Variants in TBC1D14 observed in about 807,000 individuals in gnomAD.
The protein encoded by TBC1D14 is TBC1 domain family member 14.
Under a neutral mutation model 79.0 loss-of-function variants are expected in TBC1D14, and 26 were observed. The observed-to-expected ratio is 0.33, with a 90% CI of 0.24 to 0.46. The LOEUF (loss-of-function observed/expected upper bound fraction) is 0.46, where lower values mean the gene tolerates loss of function less well. Ranked by LOEUF, TBC1D14 falls within the 20% of genes least tolerant of loss-of-function variation. TBC1D14 has a pLI of 1.00. For synonymous variants in TBC1D14, 394 were observed against 349.9 expected, an observed-to-expected ratio of 1.13 and a Z score of -1.40; for missense variants, 769 against 887.6, an observed-to-expected ratio of 0.87 and a Z score of 1.70.
chr4:6,916,755 T>C (rs1220393944), intron 1 of TBC1D14, among the ~76,000 whole-genome samples: 1 of 152,236 alleles, frequency 6.6e-6, no homozygotes, highest in South Asian at 2.1e-4. Context: ...CTTCCTCTTA[T>C]CCGTACTTCA....
chr4:6,993,179 C>T (rs927304743), intron 3 of TBC1D14, among the ~76,000 whole-genome samples: 1 of 152,202 alleles, frequency 6.6e-6, no homozygotes, highest in Admixed American at 6.5e-5. Context: ...CTTCTTTGTC[C>T]TATCTTCTCA....
At chr4:6,967,609 C>T (rs1715818072) in intron 3 of TBC1D14, among the ~76,000 whole-genome samples, 185 bp downstream of exon 3, 1 of 152,228 alleles carries the variant, frequency 6.6e-6, no homozygotes, top group South Asian at 2.1e-4. Flanking sequence ...TTTCTTACAG[C>T]TTGTAACATG....
chr4:6,972,651 T>C (rs1716325428), intron 3 of TBC1D14, among the ~76,000 whole-genome samples: 1 of 152,198 alleles, frequency 6.6e-6, no homozygotes, highest in Non-Finnish European at 1.5e-5. Context: ...GCTATGGTTT[T>C]TGTTTTCTGT....
chr4:6,930,652 G>T (rs922444684), intron 2 of TBC1D14, among the ~76,000 whole-genome samples: 6 of 152,054 alleles, frequency 3.9e-5, no homozygotes. Flanking sequence ...ACAAAAATTA[G>T]CTGGGCTTGG....
At chr4:6,929,707 A>G (rs984325471) in intron 2 of TBC1D14, among the ~76,000 whole-genome samples, 5 of 152,246 alleles carry the variant, frequency 3.3e-5, no homozygotes, top group Non-Finnish European at 7.3e-5. Context: ...AGCCTGTCAC[A>G]GCCAGACTGC....
At chr4:7,016,907 C>T (rs757699932) in intron 12 of TBC1D14, among the ~76,000 whole-genome samples, 1 of 152,152 alleles carries the variant, frequency 6.6e-6, no homozygotes, top group African/African-American at 2.4e-5. Flanking sequence ...CAAAAGGCAC[C>T]AGCGTTTTTT....
At chr4:6,910,649 G>A (rs1270755644) in intron 1 of TBC1D14, 1 of 152,272 alleles carries the variant, frequency 6.6e-6, no homozygotes, top group East Asian at 1.9e-4. Context: ...GTCTCTCTAG[G>A]CTGTGGGTTG....
At chr4:6,926,537 T>A (rs1309880836) in intron 2 of TBC1D14, among the ~76,000 whole-genome samples, 6 of 152,248 alleles carry the variant, frequency 3.9e-5, no homozygotes, top group African/African-American at 1.4e-4. Context: ...GTGACATTGT[T>A]ATTGTGAGCC....
chr4:6,993,672 C>T (rs957428206), intron 3 of TBC1D14, among the ~76,000 whole-genome samples: 1 of 152,162 alleles, frequency 6.6e-6, no homozygotes, highest in Admixed American at 6.5e-5. Context: ...ACGAGGGAAG[C>T]GTGCAGTCAT....
intron 12 of TBC1D14, among the ~76,000 whole-genome samples, chr4:7,016,419 C>T (rs1466322193): frequency 2.6e-5 from 4 of 152,228 alleles, no homozygotes; most frequent in Non-Finnish European, 4.4e-5. Flanking sequence ...CATTTGACTG[C>T]GAGCCCTGCC....
intron 3 of TBC1D14, among the ~76,000 whole-genome samples, chr4:6,979,600 C>CA (rs1289137495): frequency 6.6e-6 from 1 of 152,068 alleles, no homozygotes; most frequent in Non-Finnish European, 1.5e-5. Flanking sequence ...GCCTGAGTGA[C>CA]AGAGTGAGAC....
intron 3 of TBC1D14, among the ~76,000 whole-genome samples, chr4:6,970,196 T>C (rs1290555042): frequency 2.6e-5 from 4 of 152,218 alleles, no homozygotes; most frequent in Admixed American, 2.0e-4. Context: ...AGTTTTCTTA[T>C]TACTTGAGAG....
chr4:6,940,779 C>CT lies in TBC1D14; in HGVS notation c.722+16669dup, dbSNP rs1209402988. On this transcript the variant is annotated intron_variant, in intron 2 of 13. Coordinates refer to ENST00000409757, the MANE Select transcript of TBC1D14 (RefSeq NM_020773.3). Reference sequence around the variant, plus strand: ...CGGCTGGGCGGCTGGACACAGTGCTCTATGTTCTTGTGTCTTACCTGTCTC... The same window carrying CT: ...CGGCTGGGCGGCTGGACACAGTGCTCTTATGTTCTTGTGTCTTACCTGTCTC... Among the ~76,000 whole-genome samples the CT allele has an allele frequency of 5.9e-5, 9 of 152,258 alleles. No individual in the cohort carries two copies. In the East Asian group the frequency reaches 9.7e-4, roughly 16 times the overall value.
chr4:6,973,338 T>C (rs1404042059), intron 3 of TBC1D14, among the ~76,000 whole-genome samples: 1 of 151,566 alleles, frequency 6.6e-6, no homozygotes, highest in Non-Finnish European at 1.5e-5. Context: ...GGATAGGTCT[T>C]GGTGGTCAGT....
chr4:6,964,395 G>A (rs1052045798), intron 2 of TBC1D14, among the ~76,000 whole-genome samples: 3 of 152,080 alleles, frequency 2.0e-5, no homozygotes, highest in Non-Finnish European at 4.4e-5. Flanking sequence ...GGCCTGTCCC[G>A]GATCCTGGTG....
rs749626245 is a variant in TBC1D14, at chr4:6,979,364, C to T, written c.843+11940C>T. Among the ~76,000 whole-genome samples, 6 of 152,156 alleles carry T rather than the reference C, an allele frequency of 3.9e-5. No individual in the cohort carries two copies. In the East Asian group the frequency reaches 1.2e-3, roughly 29 times the overall value. ...AAAATGGGCTGGGTGTGTTGGCTTG[C>T]ACCTGTAATCCCAGCACTTTGGGAG... is the stretch of plus-strand genomic sequence containing the variant. On this transcript the variant is annotated intron_variant, in intron 3 of 13. Coordinates refer to ENST00000409757, the MANE Select transcript of TBC1D14 (RefSeq NM_020773.3).
At chr4:6,978,257 A>G (rs1717001735) in intron 3 of TBC1D14, among the ~76,000 whole-genome samples, 1 of 151,532 alleles carries the variant, frequency 6.6e-6, no homozygotes, top group Admixed American at 6.6e-5. Context: ...CAGCTCATTG[A>G]GAACGGGCCA....
chr4:6,915,947 T>C (rs1435180943), intron 1 of TBC1D14, among the ~76,000 whole-genome samples: 3 of 147,610 alleles, frequency 2.0e-5, no homozygotes, highest in East Asian at 2.0e-4. Flanking sequence ...AAATCCCACC[T>C]CTACTAAAAA....
Position 7,007,706 on chromosome 4 carries a change from T to C in TBC1D14, c.1446+980T>C, listed in dbSNP as rs1290768766. 4 of 880,444 alleles carry C rather than the reference T, an allele frequency of 4.5e-6. No homozygotes were observed. The East Asian group carries it at 2.5e-4, about 56-fold the overall frequency. 54.5% of individuals were successfully genotyped at this position (880,444 alleles called of 1,614,324 possible). On this transcript the variant is annotated intron_variant, in intron 9 of 13. Transcript: ENST00000409757. ...GGAGCCTGTTTCCTGGAACCCTGCT[T>C]CTCCCACAGGGCAGATTTCAGCTTC...
Sources: allele counts gnomAD v4.1 joint callset (sites outside exome capture counted in the v4.1 genomes callset), GRCh38; gene constraint gnomAD v4.1.1; transcripts MANE v1.5; gene names NCBI Gene and HGNC (gene_info 2026-07-23, HGNC 2026-07-21).